VWA8: variants seen among roughly 807,000 people sequenced by gnomAD.
VWA8 encodes the protein von Willebrand factor A domain containing 8, also known as von Willebrand factor A domain-containing protein 8.
VWA8 carries 221 observed loss-of-function variants against 241.5 expected under a neutral mutation model. That is an observed-to-expected ratio of 0.91 (90% confidence interval 0.82 to 1.02). The LOEUF is 1.02. VWA8 is among the 50% of genes least tolerant of loss of function. VWA8 has a pLI of 0.00. For missense variants in VWA8, 2,322 were observed against 2,328.7 expected (o/e 1.00, Z 0.06); for synonymous variants, 852 against 827.1 (o/e 1.03, Z -0.52).
chr13:41,960,679 G>C (rs915466961), intron 1 of VWA8, among the ~76,000 whole-genome samples, 174 bp downstream of exon 1: 4 of 152,210 alleles, frequency 2.6e-5, no homozygotes, highest in Non-Finnish European at 5.9e-5. Flanking sequence ...TTGCCCCCAC[G>C]TTACACAGCA....
intron 9 of VWA8, among the ~76,000 whole-genome samples, chr13:41,879,318 TCTG>T (rs1243490301): frequency 6.6e-6 from 1 of 151,724 alleles, no homozygotes; most frequent in Non-Finnish European, 1.5e-5. Context: ...TCCTCCTCTT[TCTG>T]CTGCTGTTCC....
At chr13:41,931,095 G>A (rs999080494) in intron 2 of VWA8, among the ~76,000 whole-genome samples, 1 of 150,374 alleles carries the variant, frequency 6.7e-6, no homozygotes, top group Admixed American at 6.6e-5. Context: ...GTTGCAGTGA[G>A]CCGAGATTGC....
intron 37 of VWA8, among the ~76,000 whole-genome samples, chr13:41,617,022 G>A (rs968855863): frequency 3.3e-5 from 5 of 151,762 alleles, no homozygotes; most frequent in East Asian, 1.9e-4. Flanking sequence ...CCAGCACTGC[G>A]AAAAACAAAA....
chr13:41,879,067 G>A (rs541353479), intron 9 of VWA8, among the ~76,000 whole-genome samples: 1 of 152,126 alleles, frequency 6.6e-6, no homozygotes, highest in East Asian at 1.9e-4. Flanking sequence ...TGGGCTGAGG[G>A]GCATTAAAGT....
chr13:41,777,569 C>A (rs1868664535), intron 20 of VWA8, among the ~76,000 whole-genome samples: 1 of 151,918 alleles, frequency 6.6e-6, no homozygotes, highest in African/African-American at 2.4e-5. Context: ...GAGCCAATTT[C>A]AGCAAAAAAG....
chr13:41,585,592 G>A (rs556832305), intron 42 of VWA8, among the ~76,000 whole-genome samples: 61 of 152,284 alleles, frequency 4.0e-4, no homozygotes, highest in South Asian at 6.2e-4. Flanking sequence ...AGGGCCAGGT[G>A]CGGTGGCTTG....
At chr13:41,759,307 ATTG>A (rs1566445156) in intron 21 of VWA8, among the ~76,000 whole-genome samples, 1 of 151,430 alleles carries the variant, frequency 6.6e-6, no homozygotes. Flanking sequence ...CACTTTTATC[ATTG>A]TTCCCCTATA....
intron 42 of VWA8, among the ~76,000 whole-genome samples, chr13:41,581,069 G>T (rs989655475): frequency 1.2e-5 from 1 of 82,260 alleles, no homozygotes; most frequent in Admixed American, 1.3e-4. Context: ...GCGCAATCTC[G>T]GCTCACTGCA....
At chr13:41,699,969 C>T (rs1285148415) in intron 28 of VWA8, among the ~76,000 whole-genome samples, 1 of 152,092 alleles carries the variant, frequency 6.6e-6, no homozygotes, top group Non-Finnish European at 1.5e-5. Context: ...TCTGCCTTTC[C>T]AGCAAACTCC....
At chr13:41,609,894 G>A (rs1182369944) in intron 39 of VWA8, among the ~76,000 whole-genome samples, 1 of 152,002 alleles carries the variant, frequency 6.6e-6, no homozygotes, top group Non-Finnish European at 1.5e-5. Context: ...TCTTACATCC[G>A]CTAAATTCAT....
intron 35 of VWA8, among the ~76,000 whole-genome samples, chr13:41,678,030 A>G (rs1203761911): frequency 6.6e-6 from 1 of 152,232 alleles, no homozygotes; most frequent in African/African-American, 2.4e-5. Flanking sequence ...ATCATATGAA[A>G]CAGCGAGGAT....
At chr13:41,617,879 C>T (rs1306095416) in intron 37 of VWA8, among the ~76,000 whole-genome samples, 1 of 145,610 alleles carries the variant, frequency 6.9e-6, no homozygotes, top group African/African-American at 2.8e-5. Context: ...TTTCTTTATC[C>T]CGTCTATTAT....
At chr13:41,591,595 C>A (rs1037383729) in intron 40 of VWA8, among the ~76,000 whole-genome samples, 3 of 151,890 alleles carry the variant, frequency 2.0e-5, no homozygotes, top group African/African-American at 7.3e-5. Context: ...CCAGAATCTA[C>A]AATGAACTTA....
intron 34 of VWA8, among the ~76,000 whole-genome samples, chr13:41,688,930 A>G (rs1168738761): frequency 1.3e-5 from 2 of 152,102 alleles, no homozygotes; most frequent in African/African-American, 2.4e-5. Flanking sequence ...GTGACATGCA[A>G]TTTACCTATA....
At chr13:41,665,984 A>G (rs901571367) in intron 37 of VWA8, among the ~76,000 whole-genome samples, 1 of 152,128 alleles carries the variant, frequency 6.6e-6, no homozygotes, top group African/African-American at 2.4e-5. Flanking sequence ...GGATATGCAT[A>G]AAAAGTTAAT....
At chr13:41,655,960 G>A (rs2044901916) in intron 37 of VWA8, among the ~76,000 whole-genome samples, 1 of 152,152 alleles carries the variant, frequency 6.6e-6, no homozygotes, top group African/African-American at 2.4e-5. Flanking sequence ...GCACAAAAGA[G>A]ATGTACATCT....
chr13:41,571,586 G>T (rs1297010500), intron 43 of VWA8, among the ~76,000 whole-genome samples: 2 of 152,176 alleles, frequency 1.3e-5, no homozygotes, highest in African/African-American at 2.4e-5. Context: ...CTGACTGCGA[G>T]TGATCTACCT....
intron 17 of VWA8, among the ~76,000 whole-genome samples, chr13:41,810,708 C>A (rs1425695659): frequency 6.6e-6 from 1 of 151,824 alleles, no homozygotes; most frequent in East Asian, 1.9e-4. Flanking sequence ...GATAGCATAA[C>A]AAGGTGACTA....
intron 14 of VWA8, among the ~76,000 whole-genome samples, chr13:41,827,522 A>G (rs1871231557): frequency 6.6e-6 from 1 of 152,206 alleles, no homozygotes; most frequent in Admixed American, 6.5e-5. Flanking sequence ...TCAATCTATG[A>G]CAGGGGATGG....
Sources: allele counts gnomAD v4.1 joint callset (sites outside exome capture counted in the v4.1 genomes callset), GRCh38; gene constraint gnomAD v4.1.1; transcripts MANE v1.5; gene names NCBI Gene and HGNC (gene_info 2026-07-23, HGNC 2026-07-21).